Variants in DDX11 observed in about 807,000 individuals in gnomAD.
The protein encoded by DDX11 is ATP-dependent DNA helicase DDX11.
A neutral mutation model predicts 125.2 loss-of-function variants in DDX11; 72 were observed. The ratio of observed to expected loss-of-function variants is 0.58; its 90% confidence interval spans 0.48 to 0.70. DDX11 has a LOEUF of 0.70. DDX11 is among the 30% of genes least tolerant of loss of function. DDX11 has a pLI of 0.00. For synonymous variants in DDX11, 347 were observed against 452.6 expected, an observed-to-expected ratio of 0.77 and a Z score of 2.96; for missense variants, 883 against 1,165.0, an observed-to-expected ratio of 0.76 and a Z score of 3.52.
At chr12:31,101,373 T>G (rs1312667162) in intron 20 of DDX11, 3 of 582,048 alleles carry the variant, frequency 5.2e-6, no homozygotes, top group African/African-American at 3.7e-5. Context: ...CCAGGCATCC[T>G]CTGAGGACGC....
At position 31,093,287 on chromosome 12, in the gene DDX11, C is replaced by G. The variant is rs762634580; in HGVS notation, c.1332C>G (p.Ile444Met). 1 of 1,613,512 alleles carries G rather than the reference C, an allele frequency of 6.2e-7. No homozygotes were observed. The highest frequency in any genetic ancestry group is 1.3e-5 in the African/African-American group (1 of 74,832). Reference protein sequence around the residue: ...KAKNLMYLKQILYLLEKFVAV... With the variant: ...KAKNLMYLKQMLYLLEKFVAV... ...AGAACCTGATGTACCTGAAGCAGAT[C>G]CTGTATTTGCTGGAGAAATTCGTGG... Residue 444 changes from isoleucine (I) to methionine (M), a missense_variant, in exon 12 of 27, where the codon ATC (isoleucine) becomes ATG (methionine). Around this residue, in one of 5 missense-constraint regions of DDX11, gnomAD observed 241 missense variants for 279.7 expected, o/e 0.86. Transcript: ENST00000542838.
intron 23 of DDX11, 122 bp downstream of exon 23, chr12:31,102,649 G>A: frequency 3.3e-6 from 3 of 901,988 alleles, no homozygotes; most frequent in Non-Finnish European, 5.4e-6. Context: ...CGACTGCTCA[G>A]ACCAGCCAGC....
chr12:31,093,140 T>C, intron 11 of DDX11, 105 bp from the exon 12 acceptor site: 1 of 1,287,584 alleles, frequency 7.8e-7, no homozygotes, highest in Admixed American at 2.0e-5. Context: ...ATTTGTAGCT[T>C]GTGACCCAGT....
At chr12:31,089,604 C>A in intron 8 of DDX11, 114 bp downstream of exon 8, 2 of 1,173,064 alleles carry the variant, frequency 1.7e-6, no homozygotes, top group South Asian at 2.6e-5. Context: ...GAGGAGACCC[C>A]AGTTCCTTCC....
At chr12:31,097,402 G>A (rs144869721) in intron 17 of DDX11, among the ~76,000 whole-genome samples, 2,608 of 150,132 alleles carry the variant, frequency 0.017, 73 homozygotes, top group African/African-American at 0.062. Flanking sequence ...AGGATAGGCC[G>A]GGCGCGGTGG....
At position 31,078,530 on chromosome 12, in the gene DDX11, C is replaced by G. The variant is rs1365174650; in HGVS notation, c.137C>G (p.Thr46Ser). 5.0e-6 allele frequency: 8 copies of G among 1,611,740 alleles called. No homozygotes were observed. The highest frequency in any genetic ancestry group is 6.8e-6 in the Non-Finnish European group (8 of 1,179,804). ...AGKIGIFESPTGTGKSLSLIC... is the reference protein window; with the variant it reads ...AGKIGIFESPSGTGKSLSLIC... ...AAGATTGGGATATTTGAGAGTCCAA[C>G]TGGCACTGTGAGTATGAACAGTGAG... Residue 46 changes from threonine (T) to serine (S), a missense_variant, in exon 2 of 27, where the codon ACT becomes AGT. Physicochemically the swap from Thr to Ser is moderately conservative, Grantham distance 58. Around this residue, in one of 5 missense-constraint regions of DDX11, gnomAD observed 283 missense variants for 359.6 expected, o/e 0.79. Transcript: ENST00000542838.
chr12:31,081,243 G>C (rs2140458470), intron 2 of DDX11, among the ~76,000 whole-genome samples: 1 of 152,292 alleles, frequency 6.6e-6, no homozygotes. Context: ...ACATTCTTCT[G>C]TCTTCTAAAT....
chr12:31,098,448 A>G (rs1333836161), intron 18 of DDX11, among the ~76,000 whole-genome samples: 1 of 152,222 alleles, frequency 6.6e-6, no homozygotes, highest in African/African-American at 2.4e-5. Flanking sequence ...AGGGTCATAA[A>G]CCCTGTCTCC....
rs534005285 is a variant in DDX11 at position 31,084,053 on chromosome 12, C to T, written c.385C>T (p.Arg129Ter). The change falls in exon 3 of 27, where the codon CGA becomes TGA. Residue 129 changes from arginine to a stop codon, truncating the protein, a stop_gained. Transcript: ENST00000542838. LOFTEE classifies it high-confidence loss of function. ...GAAAGAAGAGAGGGACCTGGTGGACCGACTAAAGGTGAGACCTGGGGTATC... is the reference window on the plus strand; with the variant it reads ...GAAAGAAGAGAGGGACCTGGTGGACTGACTAAAGGTGAGACCTGGGGTATC... ...QKKEERDLVDRLKAEQARRKQ... is the reference protein window; with the variant it reads ...QKKEERDLVD 9.3e-6 allele frequency: 15 copies of T among 1,613,834 alleles called. No individual in the cohort carries two copies. The highest frequency in any genetic ancestry group is 5.0e-5 in the Admixed American group (3 of 60,004).
chr12:31,101,418 T>C, intron 20 of DDX11: 1 of 536,310 alleles, frequency 1.9e-6, no homozygotes, highest in African/African-American at 1.9e-5. Flanking sequence ...TCCCTTTGGC[T>C]CTCTTGCCCT....
intron 17 of DDX11, 113 bp downstream of exon 17, chr12:31,097,103 G>A (rs1190166582): frequency 6.8e-6 from 10 of 1,461,816 alleles, no homozygotes; most frequent in Non-Finnish European, 8.4e-6. Flanking sequence ...CCTGGGTTAG[G>A]AGGAAGCAGT....
At chr12:31,084,496 G>T (rs1942662180) in intron 3 of DDX11, 87 bp from the exon 4 acceptor site, 5 of 1,194,848 alleles carry the variant, frequency 4.2e-6, no homozygotes, top group Non-Finnish European at 6.1e-6. Flanking sequence ...CCAGTGAGGA[G>T]GCGCCGGGCT....
chr12:31,097,712 G>C (rs557431485), intron 17 of DDX11, among the ~76,000 whole-genome samples, 173 bp from the exon 18 acceptor site: 3 of 148,728 alleles, frequency 2.0e-5, no homozygotes, highest in Admixed American at 6.7e-5. Flanking sequence ...GGAGAGGACA[G>C]TGTGGTCCAC....
chr12:31,095,750 C>T lies in DDX11; in HGVS notation c.1483-591C>T, dbSNP rs573137860. Among the ~76,000 whole-genome samples the T allele has an allele frequency of 8.6e-3, 1,304 of 152,310 alleles. 24 individuals are homozygous for T. Among genetic ancestry groups the T allele is most frequent in the African/African-American group, 0.03 (1,261 of 41,552 alleles). On this transcript the variant is annotated intron_variant, in intron 14 of 26. Transcript: ENST00000542838. Reference sequence around the variant, plus strand: ...ACATGGGTGCAGGCACTCCTTCTCTCGCCTTCCCTTTGCCCTCCTTGCTTT... The same window carrying T: ...ACATGGGTGCAGGCACTCCTTCTCTTGCCTTCCCTTTGCCCTCCTTGCTTT...
At chr12:31,096,182 G>A (rs934333714) in intron 14 of DDX11, among the ~76,000 whole-genome samples, 159 bp from the exon 15 acceptor site, 5 of 151,562 alleles carry the variant, frequency 3.3e-5, no homozygotes, top group Non-Finnish European at 5.9e-5. Flanking sequence ...GCCTCGGAGA[G>A]GAGATGACAA....
intron 2 of DDX11, among the ~76,000 whole-genome samples, chr12:31,083,233 C>G (rs983915530): frequency 1.3e-5 from 2 of 151,760 alleles, no homozygotes; most frequent in Non-Finnish European, 2.9e-5. Flanking sequence ...CCCAGGAGTT[C>G]CATACCAGCC....
intron 19 of DDX11, 121 bp from the exon 20 acceptor site, chr12:31,100,906 C>T (rs897645888): frequency 8.1e-6 from 9 of 1,117,134 alleles, no homozygotes; most frequent in African/African-American, 7.7e-5. Flanking sequence ...TGATGGTGGG[C>T]GGGTGAGCGC....
At chr12:31,099,459 C>T (rs1945999172) in intron 18 of DDX11, among the ~76,000 whole-genome samples, 3 of 151,490 alleles carry the variant, frequency 2.0e-5, no homozygotes, top group South Asian at 4.2e-4. Context: ...TAAGCCTGAA[C>T]ATGTGTGCTA....
chr12:31,081,294 C>T (rs1199202218), intron 2 of DDX11, among the ~76,000 whole-genome samples: 5 of 152,160 alleles, frequency 3.3e-5, no homozygotes, highest in African/African-American at 9.7e-5. Context: ...CTGGGTGTCC[C>T]GCAGCCCATA....
Sources: gnomAD v4.1 joint callset for allele counts (sites outside exome capture counted in the v4.1 genomes callset) on GRCh38, gnomAD v4.1.1 for gene constraint, gnomAD v4.1.1 regional missense constraint, MANE v1.5 for transcripts, NCBI Gene and HGNC (gene_info 2026-07-23, HGNC 2026-07-21) for gene names.